The following SSPN variants were observed in gnomAD, a reference collection of about 807,000 sequenced individuals.
SSPN encodes sarcospan.
In SSPN, 15 loss-of-function variants were observed where a neutral mutation model predicts 19.1. The ratio of observed to expected loss-of-function variants is 0.78; its 90% CI spans 0.52 to 1.21. The LOEUF (loss-of-function observed/expected upper bound fraction) is 1.21, where lower values mean the gene tolerates loss of function less well. SSPN is among the 50% of genes most tolerant of loss of function. The pLI, the probability that SSPN is intolerant of heterozygous loss-of-function variation, is 0.00. For missense variants in SSPN, 291 were observed against 314.0 expected (o/e 0.93, Z 0.55); for synonymous variants, 147 against 140.3 (o/e 1.05, Z -0.34).
intron 1 of SSPN, among the ~76,000 whole-genome samples, chr12:26,136,310 G>A (rs764625846): frequency 3.9e-5 from 6 of 152,192 alleles, no homozygotes; most frequent in Admixed American, 2.0e-4. Flanking sequence ...CAAGGGATAA[G>A]TGTGTTTCAT....
intron 1 of SSPN, among the ~76,000 whole-genome samples, chr12:26,188,764 G>C (rs1449487623): frequency 6.6e-6 from 1 of 152,228 alleles, no homozygotes; most frequent in African/African-American, 2.4e-5. Flanking sequence ...GACCAATGGT[G>C]ATTAAGGAAG....
At chr12:26,173,574 C>T (rs533926933) in intron 1 of SSPN, among the ~76,000 whole-genome samples, 8 of 152,180 alleles carry the variant, frequency 5.3e-5, no homozygotes, top group Middle Eastern at 3.4e-3. Context: ...TTATAGGTTT[C>T]TTCTTTTTTC....
chr12:26,196,379 C>A (rs1196167711), intron 1 of SSPN, among the ~76,000 whole-genome samples: 1 of 152,180 alleles, frequency 6.6e-6, no homozygotes, highest in Non-Finnish European at 1.5e-5. Flanking sequence ...GAGGAGAAAG[C>A]CTGTACTTGG....
chr12:26,145,543 T>C (rs772290078), intron 1 of SSPN, among the ~76,000 whole-genome samples: 56 of 152,198 alleles, frequency 3.7e-4, no homozygotes, highest in Non-Finnish European at 7.3e-4. Context: ...TGTTAGGAGA[T>C]GGCAGGACGT....
At chr12:26,137,771 T>C (rs1267932506) in intron 1 of SSPN, among the ~76,000 whole-genome samples, 1 of 148,982 alleles carries the variant, frequency 6.7e-6, no homozygotes, top group African/African-American at 2.5e-5. Flanking sequence ...TTCAAGCGAT[T>C]CTCCTACCTC....
At chr12:26,227,210 T>C (rs1321248620) in intron 2 of SSPN, among the ~76,000 whole-genome samples, 2 of 152,150 alleles carry the variant, frequency 1.3e-5, no homozygotes, top group East Asian at 3.9e-4. Flanking sequence ...TCAGATGAGT[T>C]AAAAGCCATG....
upstream of SSPN, among the ~76,000 whole-genome samples, chr12:26,190,457 T>C (rs745944433): frequency 7.2e-5 from 11 of 152,202 alleles, no homozygotes; most frequent in Non-Finnish European, 1.3e-4. Context: ...AACCTCCTGA[T>C]CCCAGGCCTC....
chr12:26,123,916 G>T, intron 1 of SSPN: 1 of 740,808 alleles, frequency 1.3e-6, no homozygotes, highest in South Asian at 1.5e-5. Context: ...CTTCAGCTGG[G>T]AGCACCTACT....
intron 1 of SSPN, among the ~76,000 whole-genome samples, chr12:26,203,000 C>T (rs911601009): frequency 2.0e-5 from 3 of 152,124 alleles, no homozygotes; most frequent in Admixed American, 2.0e-4. Context: ...TCATATCTTA[C>T]AGGGCTGCAG....
At chr12:26,220,136 A>T (rs1253945584) in intron 1 of SSPN, among the ~76,000 whole-genome samples, 1 of 152,066 alleles carries the variant, frequency 6.6e-6, no homozygotes, top group Non-Finnish European at 1.5e-5. Flanking sequence ...CATGGCCAGA[A>T]AACCTTCAGT....
intron 2 of SSPN, among the ~76,000 whole-genome samples, chr12:26,229,041 G>C (rs1212647533): frequency 6.6e-6 from 1 of 151,982 alleles, no homozygotes; most frequent in African/African-American, 2.4e-5. Context: ...TTCCTCCAAG[G>C]AACACTAATA....
chr12:26,124,233 A>G (rs1944341691), intron 1 of SSPN: 1 of 1,164,190 alleles, frequency 8.6e-7, no homozygotes, highest in African/African-American at 1.5e-5. Flanking sequence ...ACATTCACTT[A>G]TTGGATATTA....
intron 1 of SSPN, among the ~76,000 whole-genome samples, chr12:26,159,229 T>C (rs556021809): frequency 6.6e-6 from 1 of 152,284 alleles, no homozygotes; most frequent in African/African-American, 2.4e-5. Flanking sequence ...GGACATGTCC[T>C]GGGCAGAAGA....
At chr12:26,216,987 A>G (rs1375394259) in intron 1 of SSPN, among the ~76,000 whole-genome samples, 4 of 139,072 alleles carry the variant, frequency 2.9e-5, no homozygotes, top group African/African-American at 8.0e-5. Context: ...GCCTTGTAGT[A>G]TAGTTTGAAG....
intron 1 of SSPN, among the ~76,000 whole-genome samples, chr12:26,215,249 T>G (rs1945034588): frequency 6.6e-6 from 1 of 152,196 alleles, no homozygotes; most frequent in Admixed American, 6.5e-5. Flanking sequence ...CCATTCTTCC[T>G]CTATTCCCAC....
intron 1 of SSPN, among the ~76,000 whole-genome samples, chr12:26,176,441 T>C (rs760739696): frequency 7.2e-5 from 11 of 151,844 alleles, no homozygotes; most frequent in Non-Finnish European, 1.5e-4. Context: ...GTCTGCTAAA[T>C]TTACTTCTGG....
intron 1 of SSPN, among the ~76,000 whole-genome samples, chr12:26,135,637 G>T (rs1235014483): frequency 6.6e-6 from 1 of 152,142 alleles, no homozygotes; most frequent in Non-Finnish European, 1.5e-5. Context: ...CCTGGCACTC[G>T]TACTTGCAAA....
intron 1 of SSPN, among the ~76,000 whole-genome samples, chr12:26,157,046 T>C (rs772268397): frequency 1.1e-4 from 17 of 152,370 alleles, no homozygotes; most frequent in Non-Finnish European, 2.1e-4. Context: ...CAGGGATCTT[T>C]ACTTTGTTCT....
chr12:26,172,477 T>C (rs1944659277), intron 1 of SSPN, among the ~76,000 whole-genome samples: 1 of 152,208 alleles, frequency 6.6e-6, no homozygotes, highest in African/African-American at 2.4e-5. Context: ...GTCTAACAAG[T>C]CTCTGATGCG....
Sources: gnomAD v4.1 joint callset for allele counts (sites outside exome capture counted in the v4.1 genomes callset) on GRCh38, gnomAD v4.1.1 for gene constraint, MANE v1.5 for transcripts, NCBI Gene and HGNC (gene_info 2026-07-23, HGNC 2026-07-21) for gene names.